MIER2: variants seen among roughly 807,000 people sequenced by gnomAD.
MIER2 encodes the protein MIER family member 2.
MIER2 carries 30 observed loss-of-function variants against 67.6 expected under a neutral mutation model. The ratio of observed to expected loss-of-function variants is 0.44; its 90% CI spans 0.33 to 0.60. The LOEUF is 0.60. Ranked by LOEUF, MIER2 falls within the 20% of genes least tolerant of loss-of-function variation. The pLI is 0.02. For synonymous variants in MIER2, 372 were observed against 312.6 expected (o/e 1.19, Z -2.00); for missense variants, 702 against 745.1 (o/e 0.94, Z 0.67).
intron 1 of MIER2, among the ~76,000 whole-genome samples, chr19:337,665 AAGAC>A (rs1972320188): frequency 9.3e-5 from 14 of 150,368 alleles, no homozygotes; most frequent in Admixed American, 3.3e-4. Flanking sequence ...TCAGGAGTTC[AAGAC>A]TAGCCTGGCC....
chr19:322,162 C>T (rs1355000159), intron 7 of MIER2, among the ~76,000 whole-genome samples: 1 of 152,166 alleles, frequency 6.6e-6, no homozygotes, highest in African/African-American at 2.4e-5. Context: ...ACCTCGGCCT[C>T]CCAAAGTGCT....
At chr19:344,449 G>T (rs1011510657) in intron 1 of MIER2, 16 of 902,712 alleles carry the variant, frequency 1.8e-5, no homozygotes, top group Non-Finnish European at 1.9e-5. Flanking sequence ...ACGGAGCCGC[G>T]CGCCCACCGG....
At chr19:310,404 A>G (rs72984420) in intron 10 of MIER2, among the ~76,000 whole-genome samples, 22,032 of 152,262 alleles carry the variant, frequency 0.14, 2,112 homozygotes, top group African/African-American at 0.26. Context: ...GCCAGGGTGA[A>G]ATACGCACTG....
chr19:341,715 G>C lies in MIER2; in HGVS notation c.9+3059C>G, dbSNP rs1218124292. On this transcript the variant is annotated intron_variant, in intron 1 of 13. Transcript: ENST00000264819. ...CAAAGTCCTCTGTTTTGTCAAAGTG[G>C]AAGCAGGAAAAAGAGGGGGAGCAGG... is the stretch of plus-strand genomic sequence containing the variant. Among the ~76,000 whole-genome samples, 3 of 152,136 alleles carry C rather than the reference G, an allele frequency of 2.0e-5. 1 individual carries two copies. The highest frequency in any genetic ancestry group is 1.3e-4 in the Admixed American group (2 of 15,268).
chr19:307,269 A>G lies in MIER2; in HGVS notation c.1466T>C (p.Leu489Pro). The G allele has an allele frequency of 1.9e-6, 3 of 1,599,066 alleles. No homozygotes were observed. Among genetic ancestry groups the G allele is most frequent in the Non-Finnish European group, 2.6e-6 (3 of 1,173,288 alleles). ...CACAGTCTCCTCCGGATCCCCGCTG[A>G]GGTCCACATGGCTGGAGATGAGGGG... ...ELPLISSHVD[L>P]SGDPEETVAP... Residue 489 changes from leucine (L) to proline (P), a missense_variant, in exon 13 of 14, where the codon CTC (leucine) becomes CCC (proline). By Grantham distance (98) the Leu-to-Pro change is moderately conservative (BLOSUM62 -3). This residue lies in a region of MIER2 where 254 missense variants were observed against 262.8 expected (regional missense o/e 0.97). Transcript: ENST00000264819.
In MIER2 at chr19:308,473, C is replaced by T; in HGVS notation, c.1198+104G>A. ...CAGACGCCCACTCCTCCTGGCGAGG[C>T]TGGCCCAGCACAGGGCGCCAGGCAG... On this transcript the variant is annotated intron_variant, in intron 12 of 13. Coordinates refer to ENST00000264819, the MANE Select transcript of MIER2 (RefSeq NM_017550.3). The surrounding 1 kb of genome is among the most constrained non-coding windows in gnomAD (Gnocchi z 9.1). The T allele has an allele frequency of 7.9e-7, 1 of 1,260,516 alleles. No homozygotes were observed. Among genetic ancestry groups the T allele is most frequent in the Non-Finnish European group, 1.1e-6 (1 of 922,172 alleles). 78.1% of individuals were successfully genotyped at this position (1,260,516 alleles called of 1,614,324 possible).
At position 326,540 on chromosome 19, in the gene MIER2, C is replaced by T; in HGVS notation, c.552G>A (p.Glu184=). 6.2e-7 allele frequency: 1 copy of T among 1,614,092 alleles called. No individual in the cohort carries two copies. The highest frequency in any genetic ancestry group is 1.1e-5 in the South Asian group (1 of 91,092). Residue 184 remains glutamate (E), a synonymous_variant, in exon 6 of 14, where the codon GAG becomes GAA. Transcript: ENST00000264819. The part of the protein sequence containing the change: ...EPGSSASSDT[E]EDSLPANKCK... ...ATTTGTTGGCAGGAAGAGAGTCCTC[C>T]TCGGTGTCGGAGGAGGCAGAAGAGC...
intron 1 of MIER2, chr19:343,935 C>T (rs1972621820): frequency 6.1e-6 from 6 of 985,334 alleles, no homozygotes; most frequent in African/African-American, 1.7e-5. Flanking sequence ...TTTGACCTGA[C>T]ACGAAGCTAT....
At chr19:341,713 T>TGGAAGCAGGAAAAAGAGG (rs1972512240) in intron 1 of MIER2, among the ~76,000 whole-genome samples, 1 of 151,874 alleles carries the variant, frequency 6.6e-6, no homozygotes, top group Middle Eastern at 3.2e-3. Context: ...TTTGTCAAAG[T>TGGAAGCAGGAAAAAGAGG]GGAAGCAGGA....
At position 307,165 on chromosome 19, in the gene MIER2, G is replaced by A; in HGVS notation, c.1570C>T (p.His524Tyr). 1.9e-6 allele frequency: 3 copies of A among 1,588,602 alleles called. No homozygotes were observed. Among genetic ancestry groups the A allele is most frequent in the Non-Finnish European group, 2.6e-6 (3 of 1,167,676 alleles). ...IGDVNPFLAA[H>Y]PTCPAPGLHS... ...AGCCCGGGGGCCGGGCACGTGGGGT[G>A]GGCGGCCAGGAAGGGGTTCACGTCC... is the stretch of plus-strand genomic sequence containing the variant. The change falls in exon 13 of 14, where the codon CAC (histidine) becomes TAC (tyrosine). Residue 524 changes from histidine (H) to tyrosine (Y), a missense_variant. This residue lies in a region of MIER2 where 254 missense variants were observed against 262.8 expected (regional missense o/e 0.97). Coordinates refer to ENST00000264819, the MANE Select transcript of MIER2 (RefSeq NM_017550.3).
intron 10 of MIER2, 130 bp downstream of exon 10, chr19:311,715 C>T (rs1212979788): frequency 2.5e-6 from 2 of 791,820 alleles, no homozygotes; most frequent in African/African-American, 3.5e-5. Flanking sequence ...GCAATGGGCA[C>T]ACGGTGAGGA....
Position 327,260 on chromosome 19 carries a change from T to TAA in MIER2, c.370-6_370-5dup, listed in dbSNP as rs75198240. On this transcript the variant is annotated splice_region_variant and splice_polypyrimidine_tract_variant and intron_variant, in intron 4 of 13. Coordinates refer to ENST00000264819, the MANE Select transcript of MIER2 (RefSeq NM_017550.3). ...GCAAATCCTTCGCTATTTGTTCCTT[T>TAA]AAAAAAAAAAAAAAAAGTAAAGAAC... 4,759 of 1,450,378 alleles carry TAA rather than the reference T, an allele frequency of 3.3e-3. No homozygotes were observed. The highest frequency in any genetic ancestry group is 8.0e-3 in the African/African-American group (519 of 65,246). The allele number at this position is 1,450,378 out of a possible 1,614,324, so 89.8% of individuals were successfully genotyped here. A position where few individuals can be genotyped will look rare whatever the true frequency, so the allele number is the denominator to read the frequency against.
At position 313,579 on chromosome 19, in the gene MIER2, C is replaced by T; in HGVS notation, c.720G>A (p.Glu240=). ...PSVLPEREVE[E]FLYRAVKRRW... The stretch of plus-strand genomic sequence containing the variant: ...GCCGCTTCACCGCCCTGTACAGGAA[C>T]TCCTCCACCTCCCTCTCAGGGAGGA... Residue 240 remains glutamate (E), a synonymous_variant, in exon 8 of 14, where the codon GAG becomes GAA. Transcript: ENST00000264819. The T allele has an allele frequency of 1.2e-6, 2 of 1,613,476 alleles. No homozygotes were observed. Among genetic ancestry groups the T allele is most frequent in the Non-Finnish European group, 1.7e-6 (2 of 1,179,970 alleles).
At chr19:311,727 G>T in intron 10 of MIER2, 118 bp downstream of exon 10, 2 of 905,882 alleles carry the variant, frequency 2.2e-6, no homozygotes, top group Non-Finnish European at 1.7e-6. Flanking sequence ...CGGTGAGGAG[G>T]CGGACACAGG....
rs1285710668 is a variant in MIER2 at position 343,895 on chromosome 19, C to T, written c.9+879G>A. ...TCCACCACTCCAAAATCAAAAAAAG[C>T]TTCAAAAGCGAAAGTTTCTTCCTTC... On this transcript the variant is annotated intron_variant, in intron 1 of 13. Coordinates refer to ENST00000264819, the MANE Select transcript of MIER2 (RefSeq NM_017550.3). 6.1e-6 allele frequency: 6 copies of T among 985,312 alleles called. No individual in the cohort carries two copies. The African/African-American group carries it at 1.0e-4, about 17-fold the overall frequency. The allele number at this position is 985,312 out of a possible 1,614,324, so 61.0% of individuals were successfully genotyped here.
intron 7 of MIER2, among the ~76,000 whole-genome samples, chr19:316,496 G>T (rs1290136208): frequency 1.3e-5 from 2 of 152,054 alleles, no homozygotes; most frequent in African/African-American, 4.8e-5. Flanking sequence ...CACCATGTTG[G>T]CCAGGCTGGT....
At chr19:314,500 G>A (rs569511537) in intron 7 of MIER2, among the ~76,000 whole-genome samples, 3 of 152,274 alleles carry the variant, frequency 2.0e-5, no homozygotes, top group African/African-American at 7.2e-5. Flanking sequence ...ATCAGTGCAC[G>A]GGAAGAAATG....
At position 311,830 on chromosome 19, in the gene MIER2, C is replaced by T; in HGVS notation, c.984+15G>A. On this transcript the variant is annotated intron_variant, in intron 10 of 13. Coordinates refer to ENST00000264819, the MANE Select transcript of MIER2 (RefSeq NM_017550.3). ...TCGAGAAGCCCCCGGTGGAGCCTGG[C>T]AGTGGAGTCCGCACCTTGTTGGCCT... The T allele has an allele frequency of 6.2e-7, 1 of 1,613,434 alleles. No homozygotes were observed. The highest frequency in any genetic ancestry group is 8.5e-7 in the Non-Finnish European group (1 of 1,179,448).
At chr19:326,253 T>C (rs79827886) in intron 6 of MIER2, among the ~76,000 whole-genome samples, 7 of 127,726 alleles carry the variant, frequency 5.5e-5, no homozygotes, top group African/African-American at 9.1e-5. Flanking sequence ...AGAGCCACGG[T>C]TGGGATGCCA....
Sources: gnomAD v4.1 joint callset for allele counts (sites outside exome capture counted in the v4.1 genomes callset) on GRCh38, gnomAD v4.1.1 for gene constraint, gnomAD v4.1.1 regional missense constraint, Gnocchi (gnomAD v3.1) non-coding constraint, MANE v1.5 for transcripts, NCBI Gene and HGNC (gene_info 2026-07-23, HGNC 2026-07-21) for gene names.